NWD2: variants seen among roughly 807,000 people sequenced by gnomAD.
The protein encoded by NWD2 is NACHT and WD repeat domain containing 2, also known as NACHT and WD repeat domain-containing protein 2.
A neutral mutation model predicts 132.7 loss-of-function variants in NWD2; 37 were observed. The observed-to-expected ratio is 0.28, with a 90% CI of 0.21 to 0.37. The LOEUF is 0.37. NWD2 is among the 10% of genes least tolerant of loss of function. The probability of loss-of-function intolerance (pLI) is 1.00; values close to 1 mark genes in which losing one functional copy is unlikely to be tolerated. For synonymous variants in NWD2, 705 were observed against 803.0 expected (o/e 0.88, Z 2.06); for missense variants, 1,592 against 2,122.4 (o/e 0.75, Z 4.91).
chr4:37,356,497 A>T lies in NWD2; in HGVS notation c.357+15A>T, dbSNP rs1279188872. 2.0e-5 allele frequency: 29 copies of T among 1,420,680 alleles called. No homozygotes were observed. Among genetic ancestry groups the T allele is most frequent in the African/African-American group, 2.8e-5 (2 of 70,580 alleles). The allele number at this position is 1,420,680 out of a possible 1,614,324, so 88.0% of individuals were successfully genotyped here. On this transcript the variant is annotated intron_variant, in intron 3 of 6. Coordinates refer to ENST00000309447, the MANE Select transcript of NWD2 (RefSeq NM_001144990.2). ...CATGTTTTGTTGTGGGTATAAAAAAACTAATGCTTTATATTAACTTTTAGA... is the reference window on the plus strand; with the variant it reads ...CATGTTTTGTTGTGGGTATAAAAAATCTAATGCTTTATATTAACTTTTAGA...
At chr4:37,359,816 C>T (rs1719943890) in intron 3 of NWD2, among the ~76,000 whole-genome samples, 1 of 152,008 alleles carries the variant, frequency 6.6e-6, no homozygotes, top group South Asian at 2.1e-4. Flanking sequence ...GTTCCACTGA[C>T]ATGCAAGCTG....
chr4:37,397,176 G>A (rs1348481208), intron 3 of NWD2, among the ~76,000 whole-genome samples: 1 of 152,132 alleles, frequency 6.6e-6, no homozygotes, highest in Non-Finnish European at 1.5e-5. Flanking sequence ...CAGCCCAGCA[G>A]GTGTGTCTAG....
chr4:37,319,577 G>A (rs1719028390), intron 1 of NWD2, among the ~76,000 whole-genome samples: 1 of 151,990 alleles, frequency 6.6e-6, no homozygotes, highest in Non-Finnish European at 1.5e-5. Context: ...TTTTTCTTAG[G>A]TTTTCTTTTG....
chr4:37,336,248 A>T (rs1307197358), intron 2 of NWD2, among the ~76,000 whole-genome samples: 2 of 152,248 alleles, frequency 1.3e-5, no homozygotes, highest in East Asian at 1.9e-4. Flanking sequence ...GGTTTTTAAA[A>T]TTTTAATATT....
chr4:37,426,024 C>T (rs1388829203), intron 3 of NWD2, among the ~76,000 whole-genome samples: 3 of 152,208 alleles, frequency 2.0e-5, no homozygotes, highest in African/African-American at 7.2e-5. Flanking sequence ...ACCGTATGAG[C>T]TGGACTTTGC....
intron 1 of NWD2, among the ~76,000 whole-genome samples, chr4:37,286,717 G>A (rs1577655884): frequency 6.6e-6 from 1 of 152,140 alleles, no homozygotes; most frequent in South Asian, 2.1e-4. Flanking sequence ...TTCTTCACAG[G>A]GCTTTCATGA....
chr4:37,248,498 G>C (rs1577643169), intron 1 of NWD2, among the ~76,000 whole-genome samples: 1 of 152,188 alleles, frequency 6.6e-6, no homozygotes, highest in Admixed American at 6.5e-5. Flanking sequence ...ACTTCATCTA[G>C]TTCCACCTCC....
intron 1 of NWD2, among the ~76,000 whole-genome samples, chr4:37,266,712 TAA>T (rs1383267363): frequency 1.3e-5 from 2 of 152,072 alleles, no homozygotes; most frequent in African/African-American, 4.8e-5. Context: ...CTATTTTTCT[TAA>T]CTTATATCAT....
chr4:37,445,274 C>T lies in NWD2; in HGVS notation c.3286C>T (p.His1096Tyr). ...LLYGWPLYQF[H>Y]CWYEVTCVQC... Reference sequence around the variant, plus strand: ...GTACGGATGGCCGCTTTACCAGTTCCACTGCTGGTATGAAGTGACGTGCGT... The same window carrying T: ...GTACGGATGGCCGCTTTACCAGTTCTACTGCTGGTATGAAGTGACGTGCGT... Residue 1096 changes from histidine (H) to tyrosine (Y), a missense_variant, in exon 7 of 7, where the codon CAC becomes TAC. Physicochemically the swap from His to Tyr is moderately conservative, Grantham distance 83 (BLOSUM62 2). Around this residue, in one of 7 missense-constraint regions of NWD2, gnomAD observed 1,071 missense variants for 1,398.0 expected, o/e 0.77. Coordinates refer to ENST00000309447, the MANE Select transcript of NWD2 (RefSeq NM_001144990.2). The surrounding 1 kb of genome is among the most constrained non-coding windows in gnomAD (Gnocchi z 4.7). 1 of 1,551,920 alleles carries T rather than the reference C, an allele frequency of 6.4e-7. No individual in the cohort carries two copies. The highest frequency in any genetic ancestry group is 1.2e-5 in the South Asian group (1 of 84,064).
intron 1 of NWD2, among the ~76,000 whole-genome samples, chr4:37,258,365 G>T (rs1378797526): frequency 2.6e-5 from 4 of 152,244 alleles, no homozygotes; most frequent in Non-Finnish European, 5.9e-5. Flanking sequence ...TGACTAAAGA[G>T]CATTTGTGCT....
intron 5 of NWD2, 106 bp from the exon 6 acceptor site, chr4:37,438,695 A>G (rs1712393583): frequency 1.3e-6 from 1 of 765,080 alleles, no homozygotes. Flanking sequence ...GCTACAAACC[A>G]TAAGCAAAAT....
intron 3 of NWD2, among the ~76,000 whole-genome samples, chr4:37,409,865 G>A (rs1030368359): frequency 6.6e-6 from 1 of 152,154 alleles, no homozygotes; most frequent in African/African-American, 2.4e-5. Flanking sequence ...CATTCTTAAA[G>A]AAAAGAATTT....
chr4:37,247,531 G>A (rs1717268077), intron 1 of NWD2, among the ~76,000 whole-genome samples: 1 of 152,178 alleles, frequency 6.6e-6, no homozygotes, highest in South Asian at 2.1e-4. Flanking sequence ...TGTTTTAATA[G>A]GTAGTGCTTT....
chr4:37,290,073 A>G (rs1337887494), intron 1 of NWD2, among the ~76,000 whole-genome samples: 1 of 152,142 alleles, frequency 6.6e-6, no homozygotes, highest in Non-Finnish European at 1.5e-5. Context: ...CCTTTCTCAT[A>G]GTTGAAAGTA....
Position 37,268,256 on chromosome 4 carries a change from T to G in NWD2, c.151+23038T>G, listed in dbSNP as rs11945321. On this transcript the variant is annotated intron_variant, in intron 1 of 6. Coordinates refer to ENST00000309447, the MANE Select transcript of NWD2 (RefSeq NM_001144990.2). ...GAAGCCCGTATTATCTTCTCTCTCC[T>G]GGAGAGTTATTCTCTTTGTCCACAA... 9.6e-3 allele frequency among the ~76,000 whole-genome samples: 1,453 copies of G among 152,046 alleles called. 32 individuals carry two copies. The highest frequency in any genetic ancestry group is 0.033 in the African/African-American group (1,376 of 41,522).
chr4:37,446,706 C>G lies in NWD2; in HGVS notation c.4718C>G (p.Ser1573Cys), dbSNP rs1238162526. The G allele has an allele frequency of 6.4e-7, 1 of 1,551,434 alleles. No homozygotes were observed. The highest frequency in any genetic ancestry group is 8.7e-7 in the Non-Finnish European group (1 of 1,146,998). Residue 1573 changes from serine to cysteine, a missense_variant, in exon 7 of 7, where the codon TCT becomes TGT. By Grantham distance (112) the Ser-to-Cys change is moderately radical (BLOSUM62 -1). Transcript: ENST00000309447. This position sits in a 1 kb window ranked among gnomAD's most constrained non-coding sequence, Gnocchi z 6.7. ...ASGIIWRQRL[S>C]RDGRYLVYIC... ...GGGATCATCTGGCGGCAGAGGTTGTCTCGGGATGGTCGCTACCTGGTATAC... is the reference window on the plus strand; with the variant it reads ...GGGATCATCTGGCGGCAGAGGTTGTGTCGGGATGGTCGCTACCTGGTATAC...
chr4:37,336,375 A>C (rs912262570), intron 2 of NWD2, among the ~76,000 whole-genome samples: 2 of 152,232 alleles, frequency 1.3e-5, no homozygotes, highest in Admixed American at 1.3e-4. Context: ...TTTTACGCTC[A>C]GAGCACATTG....
At chr4:37,345,653 A>G (rs1205676971) in intron 2 of NWD2, among the ~76,000 whole-genome samples, 1 of 152,198 alleles carries the variant, frequency 6.6e-6, no homozygotes, top group Non-Finnish European at 1.5e-5. Context: ...TGTGTTTACT[A>G]TTTTAACCTT....
At chr4:37,251,097 G>A (rs1182278177) in intron 1 of NWD2, among the ~76,000 whole-genome samples, 1 of 152,200 alleles carries the variant, frequency 6.6e-6, no homozygotes, top group Non-Finnish European at 1.5e-5. Context: ...TGGCCAGCAT[G>A]GTGAAACCCC....
Sources: allele counts gnomAD v4.1 joint callset (sites outside exome capture counted in the v4.1 genomes callset), GRCh38; gene constraint gnomAD v4.1.1; regional missense constraint gnomAD v4.1.1; non-coding constraint Gnocchi (gnomAD v3.1); transcripts MANE v1.5; gene names NCBI Gene and HGNC (gene_info 2026-07-23, HGNC 2026-07-21).